Variants in IGF1R observed in about 807,000 individuals in gnomAD.
IGF1R encodes insulin-like growth factor 1 receptor.
IGF1R carries 44 observed loss-of-function variants against 144.6 expected under a neutral mutation model. The ratio of observed to expected loss-of-function variants is 0.30; its 90% CI spans 0.24 to 0.39. The LOEUF (loss-of-function observed/expected upper bound fraction) is 0.39. Ranked by LOEUF, IGF1R falls within the 10% of genes least tolerant of loss-of-function variation. The probability of loss-of-function intolerance (pLI) is 1.00; values close to 1 mark genes in which losing one functional copy is unlikely to be tolerated. For synonymous variants in IGF1R, 795 were observed against 722.8 expected, an observed-to-expected ratio of 1.10 and a Z score of -1.60; for missense variants, 1,355 against 1,833.7, an observed-to-expected ratio of 0.74 and a Z score of 4.77.
At chr15:98,773,915 C>T (rs531472695) in intron 2 of IGF1R, among the ~76,000 whole-genome samples, 8 of 152,274 alleles carry the variant, frequency 5.3e-5, no homozygotes, top group South Asian at 2.1e-4. Context: ...CACTGACAAC[C>T]GCAGTAGTAG....
chr15:98,962,594 T>G lies in IGF1R; in HGVS notation c.*5152T>G, dbSNP rs886051602. On this transcript the variant is annotated 3_prime_UTR_variant, in exon 21 of 21. Coordinates refer to ENST00000650285, the MANE Select transcript of IGF1R (RefSeq NM_000875.5). ...ATCTTAGATGACTGGTTGCGTCATT[T>G]GGAGAAGTGAGTGCTCCTTGATGGT... is the stretch of plus-strand genomic sequence containing the variant. 3.4e-5 allele frequency: 8 copies of G among 233,838 alleles called. No individual in the cohort carries two copies. In the East Asian group the frequency reaches 4.8e-4, roughly 14 times the overall value. The allele number at this position is 233,838 out of a possible 1,614,324, so 14.5% of individuals were successfully genotyped here.
In IGF1R at chr15:98,960,304, T is replaced by G. The variant is rs918816565; in HGVS notation, c.*2862T>G. On this transcript the variant is annotated 3_prime_UTR_variant, in exon 21 of 21. Transcript: ENST00000650285. ...CTGTTTTGTGTTGCTTTTTTTGTTT[T>G]GTTTTCTATCTTGGTTTCCACCAAG... 16 of 233,112 alleles carry G rather than the reference T, an allele frequency of 6.9e-5. No homozygotes were observed. Among genetic ancestry groups the G allele is most frequent in the African/African-American group, 3.5e-4 (16 of 45,334 alleles). 14.4% of individuals were successfully genotyped at this position (233,112 alleles called of 1,614,324 possible).
At chr15:98,690,157 C>T (rs182396362) in intron 1 of IGF1R, among the ~76,000 whole-genome samples, 133 of 152,174 alleles carry the variant, frequency 8.7e-4, no homozygotes, top group African/African-American at 3.2e-3. Context: ...GCCTGGACAA[C>T]ATAGGGACAC....
chr15:98,788,581 C>G (rs530919888), intron 2 of IGF1R, among the ~76,000 whole-genome samples: 1 of 152,136 alleles, frequency 6.6e-6, no homozygotes, highest in African/African-American at 2.4e-5. Context: ...GAGTCTTTTC[C>G]CTGAATGCAT....
At chr15:98,798,773 G>A (rs2056301384) in intron 2 of IGF1R, among the ~76,000 whole-genome samples, 1 of 152,138 alleles carries the variant, frequency 6.6e-6, no homozygotes, top group African/African-American at 2.4e-5. Flanking sequence ...GAAGAATTTG[G>A]ATTTTGTTCT....
chr15:98,832,022 A>G (rs928381494), intron 2 of IGF1R, among the ~76,000 whole-genome samples: 9 of 152,180 alleles, frequency 5.9e-5, no homozygotes, highest in African/African-American at 2.2e-4. Flanking sequence ...CTGCTTCAGC[A>G]TGTCAAGAGT....
At chr15:98,855,514 T>C (rs2011760905) in intron 2 of IGF1R, among the ~76,000 whole-genome samples, 2 of 152,248 alleles carry the variant, frequency 1.3e-5, no homozygotes, top group Admixed American at 1.3e-4. Context: ...CAGAGAATTA[T>C]GTAGAATCAC....
intron 2 of IGF1R, among the ~76,000 whole-genome samples, chr15:98,800,259 G>A: frequency 6.6e-6 from 1 of 152,074 alleles, no homozygotes; most frequent in South Asian, 2.1e-4. Context: ...ATCCTGCCTG[G>A]ATGAAGCATG....
At chr15:98,913,491 TCTC>T (rs1178655901) in intron 8 of IGF1R, among the ~76,000 whole-genome samples, 1 of 152,164 alleles carries the variant, frequency 6.6e-6, no homozygotes, top group East Asian at 1.9e-4. Context: ...TCTTCCATCA[TCTC>T]CTGCTTTGTG....
At chr15:98,859,472 T>C (rs2012025309) in intron 2 of IGF1R, among the ~76,000 whole-genome samples, 2 of 152,244 alleles carry the variant, frequency 1.3e-5, no homozygotes, top group African/African-American at 4.8e-5. Context: ...TTGCATGTTT[T>C]TGCCCCAAGA....
chr15:98,795,801 G>A (rs910123699), intron 2 of IGF1R, among the ~76,000 whole-genome samples: 3 of 152,290 alleles, frequency 2.0e-5, no homozygotes, highest in South Asian at 2.1e-4. Context: ...CACCACATGC[G>A]ACATGCCATG....
intron 3 of IGF1R, among the ~76,000 whole-genome samples, chr15:98,893,249 C>G (rs1263593798): frequency 6.6e-6 from 1 of 152,184 alleles, no homozygotes; most frequent in Non-Finnish European, 1.5e-5. Flanking sequence ...GACGCAGCTT[C>G]TACTGTAGGC....
At chr15:98,928,799 A>G (rs1387069264) in intron 13 of IGF1R, among the ~76,000 whole-genome samples, 1 of 152,106 alleles carries the variant, frequency 6.6e-6, no homozygotes, top group Non-Finnish European at 1.5e-5. Flanking sequence ...CCAGCCTAGC[A>G]TCTGCCATAC....
At chr15:98,839,324 C>A (rs1460271059) in intron 2 of IGF1R, among the ~76,000 whole-genome samples, 6 of 152,124 alleles carry the variant, frequency 3.9e-5, no homozygotes, top group African/African-American at 1.4e-4. Context: ...CAGTGTGACT[C>A]TAGAGTACCT....
At chr15:98,709,342 G>A (rs145019657) in intron 2 of IGF1R, among the ~76,000 whole-genome samples, 10 of 152,308 alleles carry the variant, frequency 6.6e-5, no homozygotes, top group Non-Finnish European at 1.3e-4. Flanking sequence ...GATCTGCCAC[G>A]CACTTTTCTA....
At position 98,957,432 on chromosome 15, in the gene IGF1R, C is replaced by T. The variant is rs370843278; in HGVS notation, c.4094C>T (p.Ser1365Leu). The change falls in exon 21 of 21, where the codon TCG becomes TTG. Residue 1365 changes from serine to leucine, a missense_variant. Around this residue, in one of 7 missense-constraint regions of IGF1R, gnomAD observed 219 missense variants for 188.8 expected, o/e 1.16. Transcript: ENST00000650285. The stretch of plus-strand genomic sequence containing the variant: ...CGGGCCTTGCCGCTGCCCCAGTCTT[C>T]GACCTGCTGATCCTTGGATCCTGAA... ...NERALPLPQS[S>L]TC 5.6e-6 allele frequency: 9 copies of T among 1,612,908 alleles called. No homozygotes were observed. Among genetic ancestry groups the T allele is most frequent in the Non-Finnish European group, 5.9e-6 (7 of 1,180,052 alleles).
At chr15:98,711,981 T>A (rs2054003817) in intron 2 of IGF1R, among the ~76,000 whole-genome samples, 1 of 152,196 alleles carries the variant, frequency 6.6e-6, no homozygotes, top group Non-Finnish European at 1.5e-5. Flanking sequence ...TGGCGTCTTT[T>A]TTATAAGGGC....
intron 2 of IGF1R, among the ~76,000 whole-genome samples, chr15:98,751,774 C>T (rs1484938632): frequency 1.3e-5 from 2 of 152,272 alleles, no homozygotes; most frequent in South Asian, 2.1e-4. Context: ...GCTTCTAAAG[C>T]CTATGTGTGA....
intron 1 of IGF1R, among the ~76,000 whole-genome samples, chr15:98,676,442 C>CTT (rs904969529): frequency 6.6e-6 from 1 of 152,132 alleles, no homozygotes; most frequent in Non-Finnish European, 1.5e-5. Flanking sequence ...GGCCGAGACT[C>CTT]TATTTTAAAG....
Sources: gnomAD v4.1 joint callset for allele counts (sites outside exome capture counted in the v4.1 genomes callset) on GRCh38, gnomAD v4.1.1 for gene constraint, gnomAD v4.1.1 regional missense constraint, MANE v1.5 for transcripts, NCBI Gene and HGNC (gene_info 2026-07-23, HGNC 2026-07-21) for gene names.